The following DRC3 variants were observed in gnomAD, a reference collection of about 807,000 sequenced individuals.
DRC3 encodes dynein regulatory complex subunit 3.
In DRC3, 45 loss-of-function variants were observed where a neutral mutation model predicts 57.6. The observed-to-expected ratio is 0.78, with a 90% CI of 0.62 to 1.00. The LOEUF is 1.00. DRC3 is among the 50% of genes least tolerant of loss of function. The pLI, the probability that DRC3 is intolerant of heterozygous loss-of-function variation, is 0.00. For missense variants in DRC3, 655 were observed against 675.2 expected (o/e 0.97, Z 0.33); for synonymous variants, 257 against 272.3 (o/e 0.94, Z 0.55).
At chr17:18,015,816 C>T (rs967243385) in intron 12 of DRC3, 5 of 416,376 alleles carry the variant, frequency 1.2e-5, no homozygotes, top group Non-Finnish European at 2.2e-5. Flanking sequence ...ATGCTTCCAG[C>T]GGGGACTGCA....
At chr17:17,996,595 T>C (rs1056748199) in intron 8 of DRC3, among the ~76,000 whole-genome samples, 1 of 152,032 alleles carries the variant, frequency 6.6e-6, no homozygotes, top group Non-Finnish European at 1.5e-5. Context: ...CAAGATGAGT[T>C]TGGGTGGAGA....
At chr17:18,012,459 C>T (rs1456509811) in intron 12 of DRC3, among the ~76,000 whole-genome samples, 1 of 152,150 alleles carries the variant, frequency 6.6e-6, no homozygotes, top group Non-Finnish European at 1.5e-5. Context: ...ACAGACAGGT[C>T]GCTGGAGCTC....
intron 12 of DRC3, among the ~76,000 whole-genome samples, chr17:18,009,915 G>C (rs1384917355): frequency 6.6e-6 from 1 of 152,232 alleles, no homozygotes; most frequent in African/African-American, 2.4e-5. Flanking sequence ...GAACGTACAT[G>C]CTGAGGAGAG....
At chr17:18,013,881 A>G (rs1395548574) in intron 12 of DRC3, among the ~76,000 whole-genome samples, 1 of 152,124 alleles carries the variant, frequency 6.6e-6, no homozygotes, top group Non-Finnish European at 1.5e-5. Flanking sequence ...TTGAAACATC[A>G]CTATGTACCC....
At position 18,016,633 on chromosome 17, in the gene DRC3, G is replaced by C. The variant is rs1012789802; in HGVS notation, c.1534G>C (p.Glu512Gln). ...TCAGTACATCGACCACATGCAGAGC[G>C]AACTGGACAACCTGGAATGTGGCGA... ...INQYIDHMQSELDNLECGDIL... is the reference protein window; with the variant it reads ...INQYIDHMQSQLDNLECGDIL... The change falls in exon 14 of 14, where the codon GAA becomes CAA. Residue 512 changes from glutamate (E) to glutamine (Q), a missense_variant. Physicochemically the swap from Glu to Gln is conservative, Grantham distance 29. Transcript: ENST00000399187. 6.2e-7 allele frequency: 1 copy of C among 1,613,572 alleles called. No homozygotes were observed. Among genetic ancestry groups the C allele is most frequent in the African/African-American group, 1.3e-5 (1 of 74,892 alleles).
intron 3 of DRC3, 66 bp from the exon 4 acceptor site, chr17:17,983,759 ACTC>A (rs1009842802): frequency 3.2e-5 from 36 of 1,121,284 alleles, no homozygotes; most frequent in Non-Finnish European, 3.6e-5. Flanking sequence ...GTTCTGCCTC[ACTC>A]CTCCTGTACA....
chr17:18,012,380 C>T (rs550193082), intron 12 of DRC3, among the ~76,000 whole-genome samples: 2 of 152,314 alleles, frequency 1.3e-5, no homozygotes, highest in African/African-American at 2.4e-5. Context: ...CTAAGACCTA[C>T]ATGTAAGACC....
chr17:18,016,413 G>T, intron 13 of DRC3, 145 bp from the exon 14 acceptor site: 1 of 781,880 alleles, frequency 1.3e-6, no homozygotes, highest in Non-Finnish European at 2.0e-6. Context: ...AATATACAGA[G>T]ATCAGCAGAA....
chr17:18,007,031 C>G lies in DRC3; in HGVS notation c.1210C>G (p.Gln404Glu), dbSNP rs1330639688. The change falls in exon 12 of 14, where the codon CAG (glutamine) becomes GAG (glutamate). Residue 404 changes from glutamine (Q) to glutamate (E), a missense_variant. Transcript: ENST00000399187. ...FIENVQSLMAQCRDLENHHHE... is the reference protein window; with the variant it reads ...FIENVQSLMAECRDLENHHHE... ...CTTAACTCGGGGCTGCACGATGGCT[C>G]AGTGCCGGGACCTGGAGAATCACCA... 1 of 1,610,910 alleles carries G rather than the reference C, an allele frequency of 6.2e-7. No homozygotes were observed.
intron 8 of DRC3, among the ~76,000 whole-genome samples, chr17:17,997,071 G>A (rs533593192): frequency 3.9e-5 from 6 of 152,098 alleles, no homozygotes; most frequent in Non-Finnish European, 8.8e-5. Context: ...AGACAGAAAC[G>A]CACACTGCCT....
chr17:17,993,698 G>A (rs1177660175), intron 6 of DRC3: 2 of 153,646 alleles, frequency 1.3e-5, no homozygotes, highest in Admixed American at 6.5e-5. Context: ...GTCATCTGAG[G>A]ATTGCCAATT....
At position 18,007,153 on chromosome 17, in the gene DRC3, C is replaced by A; in HGVS notation, c.1326+6C>A. Reference sequence around the variant, plus strand: ...TGCCTAACGACCTGCGCGCGGTAGGCGGGGCGGGCTGCTCGGAGCCTGACA... The same window carrying A: ...TGCCTAACGACCTGCGCGCGGTAGGAGGGGCGGGCTGCTCGGAGCCTGACA... On this transcript the variant is annotated splice_donor_region_variant and intron_variant, in intron 12 of 13. Transcript: ENST00000399187. The A allele has an allele frequency of 5.7e-6, 4 of 697,460 alleles. No homozygotes were observed. Among genetic ancestry groups the A allele is most frequent in the South Asian group, 2.6e-5 (1 of 38,972 alleles). 43.2% of individuals were successfully genotyped at this position (697,460 alleles called of 1,614,324 possible). A position where few individuals can be genotyped will look rare whatever the true frequency, so the allele number is the denominator to read the frequency against.
At chr17:18,002,627 TG>T (rs2043784929) in intron 9 of DRC3, among the ~76,000 whole-genome samples, 1 of 152,220 alleles carries the variant, frequency 6.6e-6, no homozygotes, top group Non-Finnish European at 1.5e-5. Flanking sequence ...GGCCTGTGCC[TG>T]TGATAGGCCT....
At chr17:17,981,536 G>A (rs746251905) in intron 3 of DRC3, 91 of 153,602 alleles carry the variant, frequency 5.9e-4, no homozygotes, top group Non-Finnish European at 1.1e-3. Flanking sequence ...GTTGTAGGTG[G>A]GCAGCCACTC....
intron 9 of DRC3, among the ~76,000 whole-genome samples, chr17:17,999,303 G>C (rs143108378): frequency 2.0e-5 from 3 of 152,316 alleles, no homozygotes; most frequent in Non-Finnish European, 2.9e-5. Flanking sequence ...AAGAGCAGTG[G>C]ATCCTGCTCA....
chr17:17,991,425 G>GGACT (rs1242284769), intron 5 of DRC3, among the ~76,000 whole-genome samples: 1 of 150,920 alleles, frequency 6.6e-6, no homozygotes, highest in Non-Finnish European at 1.5e-5. Context: ...CAAGTAGCTG[G>GGACT]GACTATAGGC....
At chr17:18,007,402 G>A (rs773047809) in intron 12 of DRC3, 8 of 1,551,516 alleles carry the variant, frequency 5.2e-6, no homozygotes, top group South Asian at 1.2e-5. Context: ...CAACAGGGTC[G>A]TTTCCAAAAG....
chr17:17,991,765 T>C (rs1406403015), intron 5 of DRC3, among the ~76,000 whole-genome samples: 2 of 152,156 alleles, frequency 1.3e-5, no homozygotes, highest in Non-Finnish European at 2.9e-5. Context: ...CTAGCTGTTA[T>C]CCAGGGAATC....
At chr17:17,986,241 A>G (rs1172876287) in intron 4 of DRC3, among the ~76,000 whole-genome samples, 2 of 152,148 alleles carry the variant, frequency 1.3e-5, no homozygotes, top group African/African-American at 4.8e-5. Context: ...GTGCTGTGCT[A>G]CCTTGAGCAT....
Sources: gnomAD v4.1 joint callset for allele counts (sites outside exome capture counted in the v4.1 genomes callset) on GRCh38, gnomAD v4.1.1 for gene constraint, MANE v1.5 for transcripts, NCBI Gene and HGNC (gene_info 2026-07-23, HGNC 2026-07-21) for gene names.